SUCLG2: variants seen among roughly 807,000 people sequenced by gnomAD.
SUCLG2 encodes the protein succinate--CoA ligase [GDP-forming] subunit beta, mitochondrial.
SUCLG2 carries 42 observed loss-of-function variants against 47.9 expected under a neutral mutation model. The ratio of observed to expected loss-of-function variants is 0.88; its 90% CI spans 0.69 to 1.14. The LOEUF (loss-of-function observed/expected upper bound fraction) is 1.14. Among genes scored for constraint, SUCLG2 ranks in the 50% most tolerant of loss-of-function variants. The probability of loss-of-function intolerance (pLI) is 0.00; values close to 1 mark genes in which losing one functional copy is unlikely to be tolerated. For missense variants in SUCLG2, 571 were observed against 525.9 expected (o/e 1.09, Z -0.84); for synonymous variants, 195 against 197.3 (o/e 0.99, Z 0.10).
chr3:67,399,373 T>A (rs950259692), intron 10 of SUCLG2, among the ~76,000 whole-genome samples: 5 of 152,166 alleles, frequency 3.3e-5, no homozygotes, highest in Admixed American at 1.3e-4. Context: ...AAATGCTGTT[T>A]CTTTCTTGGA....
At chr3:67,565,109 G>A (rs1188636990) in intron 2 of SUCLG2, among the ~76,000 whole-genome samples, 11 of 152,050 alleles carry the variant, frequency 7.2e-5, no homozygotes, top group Non-Finnish European at 1.5e-5. Flanking sequence ...TTTTGACAGG[G>A]AAACACATTA....
At chr3:67,644,682 TAATA>T (rs916240596) in intron 1 of SUCLG2, among the ~76,000 whole-genome samples, 6 of 151,788 alleles carry the variant, frequency 4.0e-5, no homozygotes, top group Non-Finnish European at 7.4e-5. Flanking sequence ...TTTACTACAA[TAATA>T]AATATATAAT....
At chr3:67,561,316 C>G (rs1331653333) in intron 2 of SUCLG2, among the ~76,000 whole-genome samples, 1 of 151,980 alleles carries the variant, frequency 6.6e-6, no homozygotes, top group Admixed American at 6.6e-5. Context: ...CTGGTGGACA[C>G]AGATGAGCAC....
At chr3:67,399,833 T>C (rs1000058993) in intron 10 of SUCLG2, among the ~76,000 whole-genome samples, 4 of 152,152 alleles carry the variant, frequency 2.6e-5, no homozygotes, top group South Asian at 2.1e-4. Context: ...CTATTACCAA[T>C]AGACTTTTAG....
At chr3:67,447,517 G>C (rs189912273) in intron 9 of SUCLG2, among the ~76,000 whole-genome samples, 38 of 152,258 alleles carry the variant, frequency 2.5e-4, no homozygotes, top group African/African-American at 9.1e-4. Flanking sequence ...AAAAATGTGT[G>C]TCATGGAGGG....
At chr3:67,552,278 C>T (rs1034895658) in intron 2 of SUCLG2, among the ~76,000 whole-genome samples, 1 of 152,148 alleles carries the variant, frequency 6.6e-6, no homozygotes, top group Admixed American at 6.5e-5. Context: ...AAGGCTGTGC[C>T]CATCACGTAT....
intron 5 of SUCLG2, among the ~76,000 whole-genome samples, chr3:67,518,970 G>C (rs996347305): frequency 6.6e-6 from 1 of 151,928 alleles, no homozygotes; most frequent in African/African-American, 2.4e-5. Flanking sequence ...TATAATATTA[G>C]TGAAAATATT....
At chr3:67,623,551 T>C (rs959738557) in intron 1 of SUCLG2, among the ~76,000 whole-genome samples, 5 of 152,042 alleles carry the variant, frequency 3.3e-5, no homozygotes, top group African/African-American at 9.7e-5. Context: ...AGTACAATAC[T>C]AGGCCATGGG....
At chr3:67,645,602 T>C (rs534439011) in intron 1 of SUCLG2, among the ~76,000 whole-genome samples, 4 of 152,256 alleles carry the variant, frequency 2.6e-5, no homozygotes, top group African/African-American at 9.6e-5. Flanking sequence ...ATTCCTTTTT[T>C]CCCTGTATTG....
chr3:67,590,079 G>A (rs959133118), intron 2 of SUCLG2, among the ~76,000 whole-genome samples: 1 of 152,156 alleles, frequency 6.6e-6, no homozygotes, highest in East Asian at 1.9e-4. Context: ...TAAATGTTAG[G>A]GATGGGGCCT....
At position 67,619,263 on chromosome 3, in the gene SUCLG2, G is replaced by C. The variant is rs544349388; in HGVS notation, c.85-9667C>G. ...TATTCCACTTGGAAAGCATTACCTCGTGAGATTCTCCAATTAAAGGAAGAT... is the reference window on the plus strand; with the variant it reads ...TATTCCACTTGGAAAGCATTACCTCCTGAGATTCTCCAATTAAAGGAAGAT... On this transcript the variant is annotated intron_variant, in intron 1 of 10. Coordinates refer to ENST00000307227, the MANE Select transcript of SUCLG2 (RefSeq NM_003848.4). Among the ~76,000 whole-genome samples, 36 of 152,244 alleles carry C rather than the reference G, an allele frequency of 2.4e-4. No individual in the cohort carries two copies. The South Asian group carries it at 7.3e-3, about 31-fold the overall frequency.
Position 67,449,477 on chromosome 3 carries a change from C to A in SUCLG2, c.1062+46321G>T, listed in dbSNP as rs144176240. Among the ~76,000 whole-genome samples, 10 of 151,742 alleles carry A rather than the reference C, an allele frequency of 6.6e-5. No individual in the cohort carries two copies. The East Asian group carries it at 1.9e-3, about 29-fold the overall frequency. ...TAATTTAACTTCCAAAACAATTAGT[C>A]CAGTCCTTTACTTCAAATTCTTCAA... On this transcript the variant is annotated intron_variant, in intron 9 of 10. Transcript: ENST00000307227.
At chr3:67,418,129 T>C (rs1703075993) in intron 9 of SUCLG2, among the ~76,000 whole-genome samples, 2 of 152,208 alleles carry the variant, frequency 1.3e-5, no homozygotes, top group Non-Finnish European at 1.5e-5. Context: ...ATTAGCTAAC[T>C]TCTTTGGGCC....
intron 1 of SUCLG2, among the ~76,000 whole-genome samples, chr3:67,631,756 C>T (rs139012348): frequency 1.6e-4 from 24 of 152,342 alleles, no homozygotes; most frequent in African/African-American, 3.8e-4. Context: ...GTGTCTGCCA[C>T]GTCCCATGAG....
chr3:67,412,651 C>T (rs1702954485), intron 9 of SUCLG2, among the ~76,000 whole-genome samples: 1 of 152,118 alleles, frequency 6.6e-6, no homozygotes, highest in African/African-American at 2.4e-5. Flanking sequence ...CAGAAGGTAT[C>T]AGAGCATCTC....
chr3:67,622,568 C>T (rs528359167), intron 1 of SUCLG2, among the ~76,000 whole-genome samples: 13 of 152,198 alleles, frequency 8.5e-5, no homozygotes, highest in East Asian at 5.8e-4. Context: ...AATCTCTATA[C>T]GCTGTTTTAT....
intron 4 of SUCLG2, among the ~76,000 whole-genome samples, chr3:67,526,885 C>T (rs774902313): frequency 2.0e-5 from 3 of 152,188 alleles, no homozygotes; most frequent in Non-Finnish European, 4.4e-5. Flanking sequence ...TCATGAATGT[C>T]TAGAGTGGCT....
intron 1 of SUCLG2, among the ~76,000 whole-genome samples, chr3:67,643,754 G>A (rs1701143475): frequency 6.6e-6 from 1 of 152,166 alleles, no homozygotes; most frequent in South Asian, 2.1e-4. Context: ...CCCACCATCT[G>A]CAACCTCCGC....
At chr3:67,530,632 C>A (rs930033242) in intron 2 of SUCLG2, among the ~76,000 whole-genome samples, 4 of 152,200 alleles carry the variant, frequency 2.6e-5, no homozygotes, top group Admixed American at 2.6e-4. Flanking sequence ...CATTGAGGCT[C>A]CTTCACTGCC....
Sources: gnomAD v4.1 joint callset for allele counts (sites outside exome capture counted in the v4.1 genomes callset) on GRCh38, gnomAD v4.1.1 for gene constraint, MANE v1.5 for transcripts, NCBI Gene and HGNC (gene_info 2026-07-23, HGNC 2026-07-21) for gene names.